DNAH9: variants seen among roughly 807,000 people sequenced by gnomAD.
DNAH9 encodes the protein dynein axonemal heavy chain 9.
A neutral mutation model predicts 471.6 loss-of-function variants in DNAH9; 345 were observed. That is an observed-to-expected ratio of 0.73 (90% confidence interval 0.67 to 0.80). DNAH9 has a LOEUF of 0.80. DNAH9 is among the 30% of genes least tolerant of loss of function. The probability of loss-of-function intolerance (pLI) is 0.00; values close to 1 mark genes in which losing one functional copy is unlikely to be tolerated. For missense variants in DNAH9, 5,407 were observed against 5,609.2 expected (o/e 0.96, Z 1.15); for synonymous variants, 2,093 against 2,123.6 (o/e 0.99, Z 0.40).
intron 8 of DNAH9, 47 bp from the exon 9 acceptor site, chr17:11,636,587 G>T (rs374886127): frequency 1.6e-5 from 24 of 1,539,732 alleles, no homozygotes; most frequent in African/African-American, 8.2e-5. Flanking sequence ...CCATGGAAAG[G>T]TTTAATCTGT....
In DNAH9 at chr17:11,711,170, C is replaced by G. The variant is rs2074821018; in HGVS notation, c.5552+5985C>G. ...TTTGGATCATGTGCCCATCTCTGAG[C>G]CAGTCGCTGCAGCCAATGAGATTGA... is the stretch of plus-strand genomic sequence containing the variant. On this transcript the variant is annotated intron_variant, in intron 26 of 68. Transcript: ENST00000262442. 4.6e-5 allele frequency among the ~76,000 whole-genome samples: 7 copies of G among 152,140 alleles called. 1 individual carries two copies. The South Asian group carries it at 1.5e-3, about 32-fold the overall frequency.
chr17:11,777,487 A>G (rs1375152231), intron 38 of DNAH9, among the ~76,000 whole-genome samples: 1 of 152,258 alleles, frequency 6.6e-6, no homozygotes, highest in East Asian at 1.9e-4. Flanking sequence ...GAAGCAGGAT[A>G]GTTTAGAAAA....
chr17:11,833,157 T>C (rs966615803), intron 48 of DNAH9, among the ~76,000 whole-genome samples: 2 of 152,222 alleles, frequency 1.3e-5, no homozygotes, highest in African/African-American at 4.8e-5. Flanking sequence ...ATGAGCAGAA[T>C]GGAAGTTTTC....
In DNAH9 at chr17:11,694,414, A is replaced by G. The variant is rs1175634863; in HGVS notation, c.4839A>G (p.Leu1613=). The G allele has an allele frequency of 6.2e-7, 1 of 1,612,932 alleles. No homozygotes were observed. The change falls in exon 22 of 69, where the codon TTA becomes TTG. Residue 1613 remains leucine (L), a synonymous_variant. Transcript: ENST00000262442. ...RFYFLSSSDL[L]DILSNGTAPQ... is the part of the protein sequence containing the mutation. ...ACTTTCTCTCCTCCTCCGATCTGTT[A>G]GACATCCTTTCCAACGGCACAGCTC...
At chr17:11,960,433 C>CT (rs1403706925) in intron 67 of DNAH9, among the ~76,000 whole-genome samples, 4 of 44,178 alleles carry the variant, frequency 9.1e-5, no homozygotes, top group Middle Eastern at 0.016. Context: ...AAGACTCTGT[C>CT]TTAAAAAAAA....
intron 19 of DNAH9, 90 bp downstream of exon 19, chr17:11,680,979 C>A: frequency 8.3e-7 from 1 of 1,202,082 alleles, no homozygotes; most frequent in Non-Finnish European, 1.2e-6. Flanking sequence ...TGTATTCTTC[C>A]AGCAGCTGCA....
chr17:11,935,373 AT>A (rs140943753), intron 65 of DNAH9, among the ~76,000 whole-genome samples: 34,686 of 140,134 alleles, frequency 0.25, 4,384 homozygotes, highest in African/African-American at 0.4. Flanking sequence ...ATTCCAAAAG[AT>A]TTTTTTTTTT....
At position 11,753,083 on chromosome 17, in the gene DNAH9, C is replaced by G. The variant is rs78079237; in HGVS notation, c.6738+123C>G. The G allele has an allele frequency of 1.5e-3, 1,140 of 768,926 alleles. 8 individuals are homozygous for G. The African/African-American group carries it at 0.018, about 12-fold the overall frequency. 47.6% of individuals were successfully genotyped at this position (768,926 alleles called of 1,614,324 possible). A position where few individuals can be genotyped will look rare whatever the true frequency, so the allele number is the denominator to read the frequency against. On this transcript the variant is annotated intron_variant, in intron 33 of 68. Transcript: ENST00000262442. ...TGGCTGGCTCAGAGTAAGGAACTAT[C>G]ATCAGCATCTTCACCACACATCTCT...
intron 36 of DNAH9, 25 bp from the exon 37 acceptor site, chr17:11,768,428 C>A (rs372361652): frequency 1.9e-6 from 3 of 1,607,320 alleles, no homozygotes; most frequent in Non-Finnish European, 2.6e-6. Context: ...AGGACCTTGT[C>A]CCCTGACTGT....
intron 6 of DNAH9, among the ~76,000 whole-genome samples, chr17:11,621,124 A>G (rs550746538): frequency 1.3e-5 from 2 of 152,188 alleles, no homozygotes; most frequent in East Asian, 3.9e-4. Context: ...AGATTAAGAC[A>G]AGAGGCCGGG....
At chr17:11,669,860 T>A in intron 17 of DNAH9, 66 bp downstream of exon 17, 1 of 1,314,854 alleles carries the variant, frequency 7.6e-7, no homozygotes, top group Admixed American at 2.0e-5. Context: ...TTTTTAAACC[T>A]TTTTTATATT....
chr17:11,654,355 CAAAAAAAAAA>C (rs527835262), intron 14 of DNAH9, among the ~76,000 whole-genome samples: 2 of 11,258 alleles, frequency 1.8e-4, no homozygotes, highest in African/African-American at 2.5e-4. Flanking sequence ...GACTCCGTCT[CAAAAAAAAAA>C]AAAAAAAAAA....
chr17:11,667,410 T>A (rs1037858762), intron 15 of DNAH9, among the ~76,000 whole-genome samples: 3 of 152,194 alleles, frequency 2.0e-5, no homozygotes, highest in Admixed American at 2.0e-4. Flanking sequence ...GAGTCCAATC[T>A]TGTGTTCCCT....
intron 27 of DNAH9, among the ~76,000 whole-genome samples, chr17:11,727,614 A>G (rs1380404557): frequency 2.6e-5 from 4 of 152,206 alleles, no homozygotes; most frequent in Non-Finnish European, 5.9e-5. Flanking sequence ...GTGTCTTGAA[A>G]AGGTTCTGTT....
At chr17:11,936,809 G>C (rs913216734) in intron 65 of DNAH9, among the ~76,000 whole-genome samples, 1 of 152,046 alleles carries the variant, frequency 6.6e-6, no homozygotes, top group Non-Finnish European at 1.5e-5. Context: ...CTTTCACCAG[G>C]GGCGCAAACT....
At chr17:11,697,833 T>C (rs2074502857) in intron 22 of DNAH9, among the ~76,000 whole-genome samples, 1 of 151,982 alleles carries the variant, frequency 6.6e-6, no homozygotes, top group Non-Finnish European at 1.5e-5. Context: ...TGCTATAAAC[T>C]GTACTCTGTC....
chr17:11,949,893 C>T lies in DNAH9; in HGVS notation c.12843+7408C>T, dbSNP rs1975298140. Among the ~76,000 whole-genome samples the T allele has an allele frequency of 2.0e-5, 3 of 152,176 alleles. No homozygotes were observed. In the South Asian group the frequency reaches 6.2e-4, roughly 32 times the overall value. ...ATTCTTTGGAGTTCCATCACTTGCACATTCAATTAGTATGTGTAAAATTAT... is the reference window on the plus strand; with the variant it reads ...ATTCTTTGGAGTTCCATCACTTGCATATTCAATTAGTATGTGTAAAATTAT... On this transcript the variant is annotated intron_variant, in intron 67 of 68. Coordinates refer to ENST00000262442, the MANE Select transcript of DNAH9 (RefSeq NM_001372.4).
At chr17:11,668,878 A>G (rs1471349138) in intron 15 of DNAH9, among the ~76,000 whole-genome samples, 186 bp from the exon 16 acceptor site, 2 of 152,218 alleles carry the variant, frequency 1.3e-5, no homozygotes, top group South Asian at 4.1e-4. Flanking sequence ...TCCCCCATTG[A>G]GAAGCACTGC....
Position 11,742,326 on chromosome 17 carries a change from G to C in DNAH9, c.6111+13G>C. The C allele has an allele frequency of 1.2e-6, 2 of 1,613,866 alleles. No homozygotes were observed. The highest frequency in any genetic ancestry group is 1.7e-6 in the Non-Finnish European group (2 of 1,179,844). ...TCTCTCCAAACAGGTAGGATCTCTAGGGAGGCTGTACAACCAAGCACCGTG... is the reference window on the plus strand; with the variant it reads ...TCTCTCCAAACAGGTAGGATCTCTACGGAGGCTGTACAACCAAGCACCGTG... On this transcript the variant is annotated intron_variant, in intron 30 of 68. Coordinates refer to ENST00000262442, the MANE Select transcript of DNAH9 (RefSeq NM_001372.4).
Sources: gnomAD v4.1 joint callset for allele counts (sites outside exome capture counted in the v4.1 genomes callset) on GRCh38, gnomAD v4.1.1 for gene constraint, MANE v1.5 for transcripts, NCBI Gene and HGNC (gene_info 2026-07-23, HGNC 2026-07-21) for gene names.